The following CLVS1 variants were observed in gnomAD, a reference collection of about 807,000 sequenced individuals.
CLVS1 encodes clavesin-1.
Under a neutral mutation model 33.1 loss-of-function variants are expected in CLVS1, and 10 were observed. The ratio of observed to expected loss-of-function variants is 0.30; its 90% CI spans 0.19 to 0.51. The LOEUF (loss-of-function observed/expected upper bound fraction) is 0.51. Ranked by LOEUF, CLVS1 falls within the 20% of genes least tolerant of loss-of-function variation. The pLI is 0.97. For missense variants in CLVS1, 343 were observed against 433.4 expected (o/e 0.79, Z 1.85); for synonymous variants, 163 against 166.1 (o/e 0.98, Z 0.14).
At chr8:61,013,703 T>G in the CLVS1 span, among the ~76,000 whole-genome samples, 1 of 152,236 alleles carries the variant, frequency 6.6e-6, no homozygotes, top group Non-Finnish European at 1.5e-5. Flanking sequence ...AGAGGCACTG[T>G]GTGTGCCGAT....
chr8:61,103,673 C>G (rs753999473), intron 1 of CLVS1, among the ~76,000 whole-genome samples: 3 of 152,102 alleles, frequency 2.0e-5, no homozygotes, highest in Admixed American at 6.5e-5. Flanking sequence ...TGATTAATGA[C>G]GAATCACTGT....
chr8:61,327,668 AT>A (rs1811434312), intron 2 of CLVS1, among the ~76,000 whole-genome samples: 1 of 152,124 alleles, frequency 6.6e-6, no homozygotes, highest in South Asian at 2.1e-4. Flanking sequence ...GTTCAAATGC[AT>A]TTTTCTCTTC....
At chr8:61,315,929 TC>T (rs1280925118) in intron 2 of CLVS1, among the ~76,000 whole-genome samples, 10 of 152,136 alleles carry the variant, frequency 6.6e-5, no homozygotes, top group Non-Finnish European at 1.0e-4. Context: ...CCTCCCTGTG[TC>T]CATGTGTTCT....
intron 2 of CLVS1, among the ~76,000 whole-genome samples, chr8:61,258,882 C>CTTT (rs1809141162): frequency 6.6e-6 from 1 of 152,168 alleles, no homozygotes. Context: ...CAGTGCCTAG[C>CTTT]TTTGGTTTTA....
intron 1 of CLVS1, among the ~76,000 whole-genome samples, chr8:61,065,199 G>A (rs1415258047): frequency 6.6e-6 from 1 of 152,080 alleles, no homozygotes; most frequent in Non-Finnish European, 1.5e-5. Context: ...ACGTCCTCCC[G>A]TATACTTTAA....
chr8:60,999,508 C>A, the CLVS1 span, among the ~76,000 whole-genome samples: 1 of 152,306 alleles, frequency 6.6e-6, no homozygotes, highest in South Asian at 2.1e-4. Flanking sequence ...AGCCAGTGAT[C>A]ATCTCCACCC....
chr8:61,329,509 T>C (rs995708327), intron 2 of CLVS1, among the ~76,000 whole-genome samples: 1 of 152,196 alleles, frequency 6.6e-6, no homozygotes, highest in Non-Finnish European at 1.5e-5. Context: ...AGCTGGAAGA[T>C]AATAATTCAA....
intron 2 of CLVS1, among the ~76,000 whole-genome samples, chr8:61,373,094 A>G (rs1813503833): frequency 6.6e-6 from 1 of 152,222 alleles, no homozygotes; most frequent in East Asian, 1.9e-4. Context: ...ATTAAGTCTG[A>G]TAGCCATTTT....
chr8:61,126,433 C>A (rs527909099), intron 1 of CLVS1, among the ~76,000 whole-genome samples: 11 of 152,228 alleles, frequency 7.2e-5, no homozygotes, highest in African/African-American at 2.4e-4. Flanking sequence ...TTGCCTGGCA[C>A]GTAGTAAATG....
intron 3 of CLVS1, among the ~76,000 whole-genome samples, chr8:61,405,191 C>T (rs950199507): frequency 3.3e-5 from 5 of 152,154 alleles, no homozygotes; most frequent in African/African-American, 9.7e-5. Context: ...TTGATAGAGT[C>T]GTATGTCCAT....
chr8:61,202,846 G>C, intron 2 of CLVS1: 2 of 994,458 alleles, frequency 2.0e-6, no homozygotes, highest in Non-Finnish European at 3.1e-6. Flanking sequence ...AGATGATGAT[G>C]ATGATGAAGA....
the CLVS1 span, among the ~76,000 whole-genome samples, chr8:60,979,608 G>A: frequency 2.0e-5 from 3 of 152,206 alleles, no homozygotes; most frequent in African/African-American, 7.2e-5. Context: ...TGTGTGCCAG[G>A]CAATGTGCTC....
At chr8:61,374,384 C>T (rs1813560197) in intron 2 of CLVS1, among the ~76,000 whole-genome samples, 3 of 152,322 alleles carry the variant, frequency 2.0e-5, no homozygotes, top group East Asian at 1.9e-4. Context: ...TGTGTTTATG[C>T]TCTTCCTAAG....
chr8:61,054,398 T>C (rs1804440002), upstream of CLVS1, among the ~76,000 whole-genome samples: 1 of 152,140 alleles, frequency 6.6e-6, no homozygotes, highest in South Asian at 2.1e-4. Context: ...CAGGACCTTA[T>C]GACAGCCAAG....
chr8:61,339,165 T>G (rs1259395433), intron 2 of CLVS1, among the ~76,000 whole-genome samples: 1 of 152,028 alleles, frequency 6.6e-6, no homozygotes, highest in Non-Finnish European at 1.5e-5. Flanking sequence ...GAGCTGCTAT[T>G]GTGGGGGTCC....
At chr8:61,234,700 G>C (rs1808519151) in intron 2 of CLVS1, among the ~76,000 whole-genome samples, 2 of 152,154 alleles carry the variant, frequency 1.3e-5, no homozygotes, top group Admixed American at 1.3e-4. Flanking sequence ...GCAGACCCCA[G>C]GTTCAGTCCC....
At chr8:61,226,358 T>A (rs917416733) in intron 2 of CLVS1, among the ~76,000 whole-genome samples, 1 of 152,260 alleles carries the variant, frequency 6.6e-6, no homozygotes, top group African/African-American at 2.4e-5. Flanking sequence ...TTCAAAGGTA[T>A]TATTAAAAAT....
At chr8:61,047,907 C>G in the CLVS1 span, among the ~76,000 whole-genome samples, 1 of 151,916 alleles carries the variant, frequency 6.6e-6, no homozygotes, top group Non-Finnish European at 1.5e-5. Flanking sequence ...CTAACTTGCA[C>G]ATTGTGCACA....
intron 2 of CLVS1, among the ~76,000 whole-genome samples, chr8:61,281,998 G>T (rs1809679286): frequency 6.6e-6 from 1 of 152,168 alleles, no homozygotes; most frequent in African/African-American, 2.4e-5. Flanking sequence ...AAGTGCCCAT[G>T]GGTGTTTCAT....
Sources: gnomAD v4.1 joint callset for allele counts (sites outside exome capture counted in the v4.1 genomes callset) on GRCh38, gnomAD v4.1.1 for gene constraint, MANE v1.5 for transcripts, NCBI Gene and HGNC (gene_info 2026-07-23, HGNC 2026-07-21) for gene names.